The following CCNY variants were observed in gnomAD, a reference collection of about 807,000 sequenced individuals.
The protein encoded by CCNY is cyclin Y.
CCNY carries 19 observed loss-of-function variants against 42.8 expected under a neutral mutation model. That is an observed-to-expected ratio of 0.44 (90% CI 0.31 to 0.65). The LOEUF (loss-of-function observed/expected upper bound fraction) is 0.65, where lower values mean the gene tolerates loss of function less well. Ranked by LOEUF, CCNY falls within the 30% of genes least tolerant of loss-of-function variation. The pLI is 0.07. For synonymous variants in CCNY, 165 were observed against 162.7 expected, an observed-to-expected ratio of 1.01 and a Z score of -0.11; for missense variants, 370 against 437.3, an observed-to-expected ratio of 0.85 and a Z score of 1.37.
intron 3 of CCNY, among the ~76,000 whole-genome samples, chr10:35,510,083 A>G (rs1840294552): frequency 1.3e-5 from 2 of 152,174 alleles, no homozygotes; most frequent in African/African-American, 2.4e-5. Flanking sequence ...TGCCTCCTCT[A>G]TCAAGGTCAT....
chr10:35,354,390 G>A (rs1205849914), intron 1 of CCNY, among the ~76,000 whole-genome samples: 2 of 151,968 alleles, frequency 1.3e-5, no homozygotes, highest in Non-Finnish European at 2.9e-5. Flanking sequence ...TTCACAAATT[G>A]GCCAGGCTGG....
intron 3 of CCNY, among the ~76,000 whole-genome samples, chr10:35,266,131 G>A (rs2095724947): frequency 6.6e-6 from 1 of 151,922 alleles, no homozygotes; most frequent in Non-Finnish European, 1.5e-5. Flanking sequence ...AGGCTGGAGT[G>A]CAGTGGTACA....
At chr10:35,269,020 T>G (rs2095728410) in intron 3 of CCNY, among the ~76,000 whole-genome samples, 1 of 152,252 alleles carries the variant, frequency 6.6e-6, no homozygotes, top group African/African-American at 2.4e-5. Context: ...TCTGGCTTCC[T>G]TCTATGCGTA....
chr10:35,364,123 A>ATCTGT (rs1836759797), intron 1 of CCNY, among the ~76,000 whole-genome samples: 1 of 152,070 alleles, frequency 6.6e-6, no homozygotes, highest in Non-Finnish European at 1.5e-5. Flanking sequence ...TGATGGAAGG[A>ATCTGT]TCTGGATTAA....
chr10:35,411,330 T>C (rs1345205406), intron 1 of CCNY, among the ~76,000 whole-genome samples: 1 of 151,920 alleles, frequency 6.6e-6, no homozygotes, highest in Non-Finnish European at 1.5e-5. Flanking sequence ...CTGGCCAACA[T>C]GGTGAAACCC....
At chr10:35,465,673 T>C (rs1839244184) in intron 1 of CCNY, among the ~76,000 whole-genome samples, 1 of 152,126 alleles carries the variant, frequency 6.6e-6, no homozygotes. Context: ...CCTAATAAGC[T>C]TTTCTCTGTC....
chr10:35,330,764 T>A (rs564908999), intron 3 of CCNY, among the ~76,000 whole-genome samples: 105 of 151,966 alleles, frequency 6.9e-4, no homozygotes, highest in African/African-American at 2.4e-3. Flanking sequence ...TTATTTTTTT[T>A]TTTTTTTTGA....
At chr10:35,553,447 A>G (rs1384694151) in intron 8 of CCNY, among the ~76,000 whole-genome samples, 4 of 152,148 alleles carry the variant, frequency 2.6e-5, no homozygotes, top group Non-Finnish European at 5.9e-5. Flanking sequence ...ATTGTAGGCA[A>G]ACACTCCTTT....
chr10:35,533,203 G>A (rs1840807386), intron 7 of CCNY, among the ~76,000 whole-genome samples: 1 of 152,144 alleles, frequency 6.6e-6, no homozygotes, highest in African/African-American at 2.4e-5. Context: ...TTTGGAGAGG[G>A]GAGATTTTGA....
chr10:35,344,955 C>T (rs149363305), intron 1 of CCNY, among the ~76,000 whole-genome samples: 1,543 of 152,304 alleles, frequency 0.01, 24 homozygotes, highest in African/African-American at 0.035. Flanking sequence ...CGTGCCACAT[C>T]TTCTTAATGC....
At chr10:35,425,659 G>A (rs1838249852) in intron 1 of CCNY, among the ~76,000 whole-genome samples, 2 of 152,208 alleles carry the variant, frequency 1.3e-5, no homozygotes, top group South Asian at 4.1e-4. Context: ...GGAACTCCAA[G>A]GGAGAAATGA....
intron 1 of CCNY, among the ~76,000 whole-genome samples, chr10:35,452,040 G>T (rs1316032147): frequency 6.6e-6 from 1 of 152,104 alleles, no homozygotes; most frequent in Non-Finnish European, 1.5e-5. Context: ...GTATGCCAAG[G>T]TCAGACTAAT....
intron 1 of CCNY, among the ~76,000 whole-genome samples, chr10:35,437,986 G>A (rs1258311551): frequency 3.3e-5 from 5 of 152,054 alleles, no homozygotes; most frequent in African/African-American, 1.2e-4. Flanking sequence ...TACTCTGATC[G>A]CTGGATGCCA....
chr10:35,277,854 C>T (rs1287872883), intron 3 of CCNY, among the ~76,000 whole-genome samples: 1 of 152,104 alleles, frequency 6.6e-6, no homozygotes, highest in South Asian at 2.1e-4. Flanking sequence ...GCCTGTGCAC[C>T]CCAATTGGCC....
intron 1 of CCNY, among the ~76,000 whole-genome samples, chr10:35,406,868 C>G (rs1406340354): frequency 1.3e-5 from 2 of 151,810 alleles, no homozygotes; most frequent in African/African-American, 2.4e-5. Context: ...GCTGACCCCC[C>G]CCCACCTCCG....
intron 3 of CCNY, among the ~76,000 whole-genome samples, chr10:35,271,467 C>T (rs1053087922): frequency 1.3e-5 from 2 of 152,184 alleles, no homozygotes; most frequent in African/African-American, 4.8e-5. Flanking sequence ...GTGCTTCTGG[C>T]AGGGGGAAGG....
chr10:35,401,957 TG>T (rs1837654114), intron 1 of CCNY, among the ~76,000 whole-genome samples: 1 of 152,200 alleles, frequency 6.6e-6, no homozygotes, highest in Admixed American at 6.5e-5. Context: ...TCAGGCCATC[TG>T]GATGTATATG....
At chr10:35,427,211 C>T (rs1314443778) in intron 1 of CCNY, among the ~76,000 whole-genome samples, 1 of 152,182 alleles carries the variant, frequency 6.6e-6, no homozygotes, top group Non-Finnish European at 1.5e-5. Context: ...TTTTGTCAGT[C>T]GAGCGTTGTT....
intron 1 of CCNY, among the ~76,000 whole-genome samples, chr10:35,455,875 A>G (rs1275030757): frequency 6.9e-6 from 1 of 145,458 alleles, no homozygotes; most frequent in African/African-American, 2.6e-5. Context: ...CTGGAGGGTA[A>G]TGGCACAATC....
Sources: allele counts gnomAD v4.1 joint callset (sites outside exome capture counted in the v4.1 genomes callset), GRCh38; gene constraint gnomAD v4.1.1; transcripts MANE v1.5; gene names NCBI Gene and HGNC (gene_info 2026-07-23, HGNC 2026-07-21).